Variants in NUP62CL observed in about 807,000 individuals in gnomAD.
NUP62CL encodes the protein nucleoporin 62 C-terminal like.
Under a neutral mutation model 15.3 loss-of-function variants are expected in NUP62CL, and 13 were observed. The observed-to-expected ratio is 0.85, with a 90% confidence interval of 0.55 to 1.35. The LOEUF is 1.35. Ranked by LOEUF, NUP62CL falls within the 40% of genes most tolerant of loss-of-function variation. The pLI, the probability that NUP62CL is intolerant of heterozygous loss-of-function variation, is 0.00. For missense variants in NUP62CL, 123 were observed against 130.6 expected, an observed-to-expected ratio of 0.94 and a Z score of 0.28; for synonymous variants, 54 against 49.2, an observed-to-expected ratio of 1.10 and a Z score of -0.41.
chrX:107,181,976 C>A (rs899402634), intron 2 of NUP62CL, among the ~76,000 whole-genome samples: 2 of 111,652 alleles, frequency 1.8e-5, no homozygotes, highest in African/African-American at 6.5e-5. Context: ...ACTGAAACCT[C>A]TTTACTATCT....
chrX:107,147,478 C>CATAG (rs1303222742), intron 8 of NUP62CL, among the ~76,000 whole-genome samples: 5 of 111,381 alleles, frequency 4.5e-5, no homozygotes, highest in Non-Finnish European at 7.5e-5. Context: ...AAGGCATATT[C>CATAG]ATAGAAGTCT....
chrX:107,202,451 AT>A (rs1412212201), intron 1 of NUP62CL: 1 of 111,028 alleles, frequency 9.0e-6, no homozygotes. Flanking sequence ...TTCGAAAAAA[AT>A]ATTCATAAAG....
rs778184363 is a variant in NUP62CL, at chrX:107,154,091, C to T, written c.345+5G>A. On this transcript the variant is annotated splice_donor_5th_base_variant and intron_variant, in intron 5 of 8. Transcript: ENST00000372466. ...GTAGGTAGATTAATGAAAATATTTTCTTACCATCTCACCATTCTCAATCAA... is the reference window on the plus strand; with the variant it reads ...GTAGGTAGATTAATGAAAATATTTTTTTACCATCTCACCATTCTCAATCAA... 14 of 1,186,741 alleles carry T rather than the reference C, an allele frequency of 1.2e-5. No homozygotes were observed. In the East Asian group the frequency reaches 3.3e-4, roughly 28 times the overall value.
chrX:107,178,485 A>T (rs1926837280), intron 2 of NUP62CL, among the ~76,000 whole-genome samples: 1 of 112,825 alleles, frequency 8.9e-6, no homozygotes, highest in Non-Finnish European at 1.9e-5. Context: ...AGATCAATGC[A>T]CATGGCACAT....
intron 2 of NUP62CL, among the ~76,000 whole-genome samples, chrX:107,180,228 C>A (rs1288280990): frequency 8.9e-6 from 1 of 112,062 alleles, no homozygotes; most frequent in Non-Finnish European, 1.9e-5. Context: ...CTATGGGAAA[C>A]AACTGGTCAA....
intron 1 of NUP62CL, among the ~76,000 whole-genome samples, chrX:107,196,432 GTT>G (rs1927362673): frequency 9.1e-6 from 1 of 110,228 alleles, no homozygotes; most frequent in African/African-American, 3.3e-5. Flanking sequence ...TATTTCTTTT[GTT>G]TGTTTGTTTG....
Position 107,167,783 on chromosome X carries a change from A to C in NUP62CL, c.60T>G (p.Phe20Leu). The C allele has an allele frequency of 8.4e-7, 1 of 1,189,540 alleles. No homozygotes were observed. Among genetic ancestry groups the C allele is most frequent in the African/African-American group, 1.7e-5 (1 of 57,260 alleles). The change falls in exon 4 of 9, where the codon TTT becomes TTG. Residue 20 changes from phenylalanine (F) to leucine (L), a missense_variant and splice_region_variant. By Grantham distance (22) the Phe-to-Leu change is conservative. Transcript: ENST00000372466. ...TGGCGGTGGTAGTCGTTGAAGTTGT[A>C]ACTGGAAAATAAAGTGTATAATGTT... ...LTSTAAIGLS[F>L]TTSTTTTATF...
intron 4 of NUP62CL, among the ~76,000 whole-genome samples, chrX:107,162,833 G>A (rs1223867934): frequency 1.8e-5 from 2 of 111,799 alleles, no homozygotes; most frequent in Non-Finnish European, 3.8e-5. Context: ...GGGCCTGGGG[G>A]AGGATCATCA....
intron 8 of NUP62CL, chrX:107,132,398 CAT>C (rs755409701): frequency 1.1e-3 from 470 of 422,222 alleles, no homozygotes; most frequent in Non-Finnish European, 9.3e-4. Context: ...GCTATACACA[CAT>C]ATCCAGTCAT....
At chrX:107,146,422 A>T (rs1925883836) in intron 8 of NUP62CL, among the ~76,000 whole-genome samples, 1 of 111,816 alleles carries the variant, frequency 8.9e-6, no homozygotes, top group African/African-American at 3.2e-5. Context: ...AAATTAACTC[A>T]GCAACTTACA....
At chrX:107,127,304 A>G (rs1248170122) in intron 8 of NUP62CL, among the ~76,000 whole-genome samples, 1 of 111,894 alleles carries the variant, frequency 8.9e-6, no homozygotes, top group African/African-American at 3.3e-5. Context: ...TGGGATAGAA[A>G]TGGGGAATAA....
At chrX:107,131,710 A>G (rs994595490) in intron 8 of NUP62CL, 8 of 750,919 alleles carry the variant, frequency 1.1e-5, no homozygotes, top group Non-Finnish European at 1.7e-5. Context: ...TTCTAGTGGA[A>G]TTATCAGGAA....
chrX:107,174,784 G>A (rs901795373), intron 3 of NUP62CL, among the ~76,000 whole-genome samples: 2 of 111,651 alleles, frequency 1.8e-5, no homozygotes, highest in African/African-American at 6.5e-5. Flanking sequence ...AGAAATACTT[G>A]GCAAAACTCC....
Position 107,141,044 on chromosome X carries a change from C to G in NUP62CL, c.*42+6699G>C, listed in dbSNP as rs374922610. 5.8e-4 allele frequency among the ~76,000 whole-genome samples: 65 copies of G among 112,447 alleles called. 1 individual carries two copies. In the South Asian group the frequency reaches 0.024, roughly 41 times the overall value. On this transcript the variant is annotated intron_variant, in intron 8 of 8. Transcript: ENST00000372466. ...ATGTTACATATTTCATCTGGGGAGT[C>G]TCTCCAACTTGAGGAAATTCACTTG...
chrX:107,149,854 G>A (rs986693280), intron 7 of NUP62CL, among the ~76,000 whole-genome samples: 1 of 110,912 alleles, frequency 9.0e-6, no homozygotes, highest in African/African-American at 3.3e-5. Context: ...GGGAAAAGGA[G>A]GACTCCATTT....
chrX:107,179,820 C>T (rs1302375393), intron 2 of NUP62CL, among the ~76,000 whole-genome samples: 2 of 112,119 alleles, frequency 1.8e-5, no homozygotes, highest in South Asian at 3.7e-4. Flanking sequence ...GAAATTGAGA[C>T]AATTTATACT....
intron 8 of NUP62CL, among the ~76,000 whole-genome samples, chrX:107,127,676 TATTAG>T (rs1925420749): frequency 9.0e-6 from 1 of 111,268 alleles, no homozygotes; most frequent in Non-Finnish European, 1.9e-5. Context: ...ATATAAAAAT[TATTAG>T]ATGAGATTAA....
intron 7 of NUP62CL, among the ~76,000 whole-genome samples, chrX:107,148,984 A>G (rs189382225): frequency 9.0e-6 from 1 of 111,693 alleles, no homozygotes; most frequent in Non-Finnish European, 1.9e-5. Context: ...CTATCTGCAA[A>G]AAGAGCTGTC....
At chrX:107,139,418 G>A (rs998516959) in intron 8 of NUP62CL, among the ~76,000 whole-genome samples, 1 of 111,639 alleles carries the variant, frequency 9.0e-6, no homozygotes, top group Admixed American at 9.5e-5. Flanking sequence ...TGTTGCCTCT[G>A]AGGAAAACTA....
Sources: gnomAD v4.1 joint callset for allele counts (sites outside exome capture counted in the v4.1 genomes callset) on GRCh38, gnomAD v4.1.1 for gene constraint, MANE v1.5 for transcripts, NCBI Gene and HGNC (gene_info 2026-07-23, HGNC 2026-07-21) for gene names.